Variants in POLA1 observed in about 807,000 individuals in gnomAD.
POLA1 encodes the protein DNA polymerase alpha catalytic subunit.
In POLA1, 15 loss-of-function variants were observed where a neutral mutation model predicts 124.0. The ratio of observed to expected loss-of-function variants is 0.12; its 90% confidence interval spans 0.08 to 0.19. POLA1 has a LOEUF of 0.19. Ranked by LOEUF, POLA1 falls within the 10% of genes least tolerant of loss-of-function variation. POLA1 has a pLI of 1.00. For synonymous variants in POLA1, 408 were observed against 389.4 expected (o/e 1.05, Z -0.56); for missense variants, 886 against 1,103.4 (o/e 0.80, Z 2.79).
At chrX:24,982,016 T>A (rs773215641) in intron 36 of POLA1, among the ~76,000 whole-genome samples, 12 of 111,090 alleles carry the variant, frequency 1.1e-4, no homozygotes, top group African/African-American at 3.9e-4. Flanking sequence ...TCTGTGGCGC[T>A]CTTTTTACCC....
intron 34 of POLA1, among the ~76,000 whole-genome samples, chrX:24,880,769 A>G (rs933754349): frequency 8.9e-6 from 1 of 111,992 alleles, no homozygotes; most frequent in Non-Finnish European, 1.9e-5. Context: ...TGGCAGAAAA[A>G]TGTGCCTGCA....
intron 36 of POLA1, among the ~76,000 whole-genome samples, chrX:24,939,386 AT>A (rs1358721181): frequency 8.9e-6 from 1 of 112,357 alleles, no homozygotes; most frequent in Admixed American, 9.4e-5. Flanking sequence ...GAGCTAGTGA[AT>A]TTACTTTTAA....
At chrX:24,915,442 G>A (rs1389860385) in intron 35 of POLA1, among the ~76,000 whole-genome samples, 2 of 111,754 alleles carry the variant, frequency 1.8e-5, no homozygotes, top group Non-Finnish European at 3.8e-5. Context: ...AGTGTTTGAA[G>A]CTGCATTCTG....
chrX:24,722,875 A>G (rs1930288544), intron 10 of POLA1, among the ~76,000 whole-genome samples: 1 of 112,103 alleles, frequency 8.9e-6, no homozygotes, highest in Non-Finnish European at 1.9e-5. Context: ...CTTAATCTGT[A>G]TAATCCTGGT....
chrX:24,732,278 G>A (rs1930960212), intron 15 of POLA1, 92 bp from the exon 16 acceptor site: 1 of 616,661 alleles, frequency 1.6e-6, no homozygotes. Flanking sequence ...GTGTTTAAAT[G>A]TGTATCTTTA....
At chrX:24,799,093 G>A (rs965837362) in intron 26 of POLA1, among the ~76,000 whole-genome samples, 12 of 112,214 alleles carry the variant, frequency 1.1e-4, no homozygotes, top group African/African-American at 3.9e-4. Flanking sequence ...TACTGAGCAA[G>A]GGAATTACCC....
At chrX:24,968,417 A>AG (rs1191542269) in intron 36 of POLA1, among the ~76,000 whole-genome samples, 2 of 111,883 alleles carry the variant, frequency 1.8e-5, no homozygotes, top group Non-Finnish European at 3.8e-5. Context: ...AGAAGAATCC[A>AG]GGCCGGGCGC....
intron 32 of POLA1, among the ~76,000 whole-genome samples, chrX:24,832,630 C>T: frequency 8.9e-6 from 1 of 111,903 alleles, no homozygotes; most frequent in East Asian, 2.8e-4. Context: ...TAATTAAGTA[C>T]ACCAAAGTGA....
intron 8 of POLA1, 86 bp downstream of exon 8, chrX:24,717,057 A>G: frequency 1.6e-6 from 1 of 636,899 alleles, no homozygotes. Context: ...GGTAGAGGAG[A>G]TTTTGAAGGT....
intron 20 of POLA1, among the ~76,000 whole-genome samples, chrX:24,741,084 T>C (rs1931607132): frequency 9.2e-6 from 1 of 108,570 alleles, no homozygotes; most frequent in Non-Finnish European, 1.9e-5. Flanking sequence ...CTTGTAGTTA[T>C]TATATTACTT....
intron 34 of POLA1, among the ~76,000 whole-genome samples, chrX:24,870,913 TCTC>T (rs1457578138): frequency 3.6e-5 from 4 of 111,639 alleles, no homozygotes; most frequent in African/African-American, 1.3e-4. Flanking sequence ...CATGAAAACA[TCTC>T]CTAAGATGGC....
At chrX:24,743,114 C>G (rs1323777929) in intron 22 of POLA1, 116 bp from the exon 23 acceptor site, 2 of 419,001 alleles carry the variant, frequency 4.8e-6, no homozygotes, top group African/African-American at 2.6e-5. Context: ...GATAGGACCA[C>G]TAACTGAAAT....
chrX:24,850,176 C>A (rs886364160), intron 34 of POLA1, among the ~76,000 whole-genome samples: 1 of 112,247 alleles, frequency 8.9e-6, no homozygotes, highest in African/African-American at 3.2e-5. Flanking sequence ...GTCAAGCAAG[C>A]TCATTTTGAG....
rs763244481 is a variant in POLA1 at position 24,699,146 on chromosome X, A to G, written c.44-279A>G. Among the ~76,000 whole-genome samples, 3 of 112,248 alleles carry G rather than the reference A, an allele frequency of 2.7e-5. No individual in the cohort carries two copies. In the East Asian group the frequency reaches 8.3e-4, roughly 31 times the overall value. On this transcript the variant is annotated intron_variant, in intron 1 of 36. Transcript: ENST00000379068. Reference sequence around the variant, plus strand: ...CTCCCTTGTTTAGTGTCTCCGCAGGATATCAGTTGAATTGGGAATTTTCCT... The same window carrying G: ...CTCCCTTGTTTAGTGTCTCCGCAGGGTATCAGTTGAATTGGGAATTTTCCT...
chrX:24,978,770 G>A (rs749217719), intron 36 of POLA1, among the ~76,000 whole-genome samples: 1 of 111,884 alleles, frequency 8.9e-6, no homozygotes, highest in Non-Finnish European at 1.9e-5. Flanking sequence ...GTGTGCACAA[G>A]GCTAATGATT....
chrX:24,810,148 A>G (rs1312284611), intron 27 of POLA1, among the ~76,000 whole-genome samples: 1 of 111,637 alleles, frequency 9.0e-6, no homozygotes, highest in Non-Finnish European at 1.9e-5. Context: ...GTTTCAAACA[A>G]ATTAGTAACA....
At chrX:24,698,550 T>C (rs1052758455) in intron 1 of POLA1, among the ~76,000 whole-genome samples, 4 of 112,189 alleles carry the variant, frequency 3.6e-5, no homozygotes, top group Admixed American at 2.8e-4. Context: ...TCTCTAAATA[T>C]TGTTTAGAGC....
intron 34 of POLA1, among the ~76,000 whole-genome samples, chrX:24,862,407 C>T (rs752638038): frequency 6.5e-4 from 73 of 111,683 alleles, no homozygotes; most frequent in African/African-American, 2.3e-3. Context: ...AAAAAGTTGC[C>T]TTATTTCTCC....
At position 24,702,551 on chromosome X, in the gene POLA1, C is replaced by G. The variant is rs1322992628; in HGVS notation, c.169-700C>G. ...ACCAGTAGCTCATAGTGTTCTGACCCTCTTGCAGTCAGGCAGCCAATATGA... is the reference window on the plus strand; with the variant it reads ...ACCAGTAGCTCATAGTGTTCTGACCGTCTTGCAGTCAGGCAGCCAATATGA... On this transcript the variant is annotated intron_variant, in intron 2 of 36. Coordinates refer to ENST00000379068, the MANE Select transcript of POLA1 (RefSeq NM_001330360.2). Among the ~76,000 whole-genome samples, 4 of 111,917 alleles carry G rather than the reference C, an allele frequency of 3.6e-5. No homozygotes were observed. The East Asian group carries it at 1.1e-3, about 31-fold the overall frequency.
Sources: gnomAD v4.1 joint callset for allele counts (sites outside exome capture counted in the v4.1 genomes callset) on GRCh38, gnomAD v4.1.1 for gene constraint, MANE v1.5 for transcripts, NCBI Gene and HGNC (gene_info 2026-07-23, HGNC 2026-07-21) for gene names.